SNX29: variants seen among roughly 807,000 people sequenced by gnomAD.
SNX29 encodes sorting nexin 29, also known as sorting nexin-29.
In SNX29, 78 loss-of-function variants were observed where a neutral mutation model predicts 102.1. The observed-to-expected ratio is 0.76, with a 90% CI of 0.64 to 0.92. The LOEUF (loss-of-function observed/expected upper bound fraction) is 0.92, where lower values mean the gene tolerates loss of function less well. Ranked by LOEUF, SNX29 falls within the 40% of genes least tolerant of loss-of-function variation. SNX29 has a pLI of 0.00. For synonymous variants in SNX29, 580 were observed against 414.5 expected (o/e 1.40, Z -4.85); for missense variants, 1,280 against 1,061.7 (o/e 1.21, Z -2.86).
chr16:12,561,384 G>C (rs541035986), intron 20 of SNX29, among the ~76,000 whole-genome samples: 1 of 152,204 alleles, frequency 6.6e-6, no homozygotes, highest in East Asian at 1.9e-4. Context: ...GAAGATGCTG[G>C]CCACATCCCC....
Position 11,997,056 on chromosome 16 carries a change from A to T in SNX29, c.8-2241A>T, listed in dbSNP as rs1392259000. Among the ~76,000 whole-genome samples, 4 of 152,336 alleles carry T rather than the reference A, an allele frequency of 2.6e-5. No homozygotes were observed. The South Asian group carries it at 6.2e-4, about 24-fold the overall frequency. ...ACACAGGCTTTAGAGGTCTTGAGTC[A>T]GGATCACTGTTCCACCAATTAGTAT... On this transcript the variant is annotated intron_variant, in intron 1 of 20. Transcript: ENST00000566228.
chr16:12,468,419 C>G (rs1270435480), intron 18 of SNX29, among the ~76,000 whole-genome samples: 1 of 152,064 alleles, frequency 6.6e-6, no homozygotes, highest in Non-Finnish European at 1.5e-5. Flanking sequence ...AAGTGATCTG[C>G]CTGCCTTAGC....
chr16:12,496,851 A>G (rs1274992028), intron 19 of SNX29, among the ~76,000 whole-genome samples: 2 of 152,138 alleles, frequency 1.3e-5, no homozygotes, highest in Non-Finnish European at 2.9e-5. Flanking sequence ...TGAGCTTTGA[A>G]TAATTAAGTA....
chr16:12,507,262 C>G (rs2089420340), intron 19 of SNX29, among the ~76,000 whole-genome samples: 1 of 152,188 alleles, frequency 6.6e-6, no homozygotes, highest in Non-Finnish European at 1.5e-5. Context: ...TAGCACGGTG[C>G]CTGGCATTGA....
intron 15 of SNX29, among the ~76,000 whole-genome samples, chr16:12,291,911 G>T (rs144659711): frequency 1.2e-4 from 19 of 152,334 alleles, no homozygotes; most frequent in Non-Finnish European, 2.1e-4. Context: ...CAGATCAGTG[G>T]ATATATTGAA....
intron 20 of SNX29, among the ~76,000 whole-genome samples, chr16:12,541,288 C>G (rs1055127087): frequency 2.0e-5 from 3 of 152,192 alleles, no homozygotes; most frequent in African/African-American, 7.2e-5. Context: ...GGGAATACCA[C>G]TAACAGTGGG....
chr16:12,220,026 G>T (rs889253562), intron 14 of SNX29, among the ~76,000 whole-genome samples: 59 of 152,350 alleles, frequency 3.9e-4, no homozygotes, highest in African/African-American at 1.1e-3. Context: ...TGCTTTGTTG[G>T]CTTTGGCCCA....
At chr16:12,278,338 T>C (rs895300058) in intron 15 of SNX29, among the ~76,000 whole-genome samples, 1 of 152,108 alleles carries the variant, frequency 6.6e-6, no homozygotes, top group South Asian at 2.1e-4. Flanking sequence ...AAACAGAGAA[T>C]ATCACATGCA....
rs2087979442 is a variant in SNX29, at chr16:12,482,262, T to A, written c.2178+4403T>A. Among the ~76,000 whole-genome samples, 2 of 152,234 alleles carry A rather than the reference T, an allele frequency of 1.3e-5. 1 individual carries two copies. The highest frequency in any genetic ancestry group is 4.2e-4 in the South Asian group (2 of 4,810). On this transcript the variant is annotated intron_variant, in intron 19 of 20. Coordinates refer to ENST00000566228, the MANE Select transcript of SNX29 (RefSeq NM_032167.5). ...TGGGTTGATTTAATTAATTTCTTTC[T>A]CCTTTTCCTTTTTCTTTTTCCTTTT...
intron 14 of SNX29, among the ~76,000 whole-genome samples, chr16:12,234,531 A>G (rs573176385): frequency 6.6e-6 from 1 of 151,948 alleles, no homozygotes; most frequent in African/African-American, 2.4e-5. Flanking sequence ...CATTTTCTCG[A>G]TGGTGTCCTT....
chr16:12,269,435 T>G (rs906351594), intron 14 of SNX29, among the ~76,000 whole-genome samples: 7 of 152,218 alleles, frequency 4.6e-5, no homozygotes, highest in Non-Finnish European at 1.0e-4. Flanking sequence ...CTATGTAAAT[T>G]GAAGCAGTAT....
intron 20 of SNX29, among the ~76,000 whole-genome samples, chr16:12,562,295 A>C (rs1448369108): frequency 2.6e-5 from 4 of 152,062 alleles, no homozygotes; most frequent in African/African-American, 9.7e-5. Context: ...CCAGCATCAA[A>C]CGTTATCGTT....
At chr16:12,530,257 C>G (rs116033505) in intron 20 of SNX29, among the ~76,000 whole-genome samples, 1 of 152,182 alleles carries the variant, frequency 6.6e-6, no homozygotes, top group Non-Finnish European at 1.5e-5. Context: ...GCTTTTAGAA[C>G]AGCGCATCAC....
At chr16:12,324,397 G>C (rs534173761) in intron 15 of SNX29, among the ~76,000 whole-genome samples, 1 of 152,084 alleles carries the variant, frequency 6.6e-6, no homozygotes, top group African/African-American at 2.4e-5. Flanking sequence ...TTCTCGCCCT[G>C]TGGAAATGCT....
At chr16:12,284,479 G>A (rs1037888791) in intron 15 of SNX29, among the ~76,000 whole-genome samples, 2 of 152,214 alleles carry the variant, frequency 1.3e-5, no homozygotes, top group South Asian at 4.1e-4. Context: ...GTGCTGTCTG[G>A]GTGGGACAGT....
chr16:12,366,113 A>G (rs1381181810), intron 16 of SNX29, among the ~76,000 whole-genome samples: 2 of 151,050 alleles, frequency 1.3e-5, no homozygotes, highest in Non-Finnish European at 2.9e-5. Flanking sequence ...GTTGCTTCAT[A>G]TATTTTTAAA....
rs2079238327 is a variant in SNX29, at chr16:12,573,914, C to G, written c.*5285C>G. The G allele has an allele frequency of 4.9e-6, 1 of 203,418 alleles. No individual in the cohort carries two copies. The highest frequency in any genetic ancestry group is 2.3e-5 in the African/African-American group (1 of 43,640). The allele number at this position is 203,418 out of a possible 1,614,324, so 12.6% of individuals were successfully genotyped here. A position where few individuals can be genotyped will look rare whatever the true frequency, so the allele number is the denominator to read the frequency against. On this transcript the variant is annotated 3_prime_UTR_variant, in exon 21 of 21. Transcript: ENST00000566228. ...AGGTAGAACGCTTACTCACCTGACA[C>G]CGACTTCTTAGAGAAGCGAGTCTTT...
intron 14 of SNX29, among the ~76,000 whole-genome samples, chr16:12,270,642 C>T (rs972075728): frequency 1.3e-5 from 2 of 152,128 alleles, no homozygotes; most frequent in Admixed American, 6.6e-5. Context: ...CAACATGGCA[C>T]ATTTACCTCT....
Position 12,110,526 on chromosome 16 carries a change from G to A in SNX29, c.1403-16107G>A, listed in dbSNP as rs575791149. Among the ~76,000 whole-genome samples the A allele has an allele frequency of 1.4e-4, 21 of 152,304 alleles. No individual in the cohort carries two copies. The South Asian group carries it at 4.4e-3, about 32-fold the overall frequency. ...CTGCTGAGCCCTGTGACGAGGAAGGGACGGCCTTTTGCTAGGGAAGAGCAG... is the reference window on the plus strand; with the variant it reads ...CTGCTGAGCCCTGTGACGAGGAAGGAACGGCCTTTTGCTAGGGAAGAGCAG... On this transcript the variant is annotated intron_variant, in intron 11 of 20. Coordinates refer to ENST00000566228, the MANE Select transcript of SNX29 (RefSeq NM_032167.5).
Sources: allele counts gnomAD v4.1 joint callset (sites outside exome capture counted in the v4.1 genomes callset), GRCh38; gene constraint gnomAD v4.1.1; transcripts MANE v1.5; gene names NCBI Gene and HGNC (gene_info 2026-07-23, HGNC 2026-07-21).